The following MERTK variants were observed in gnomAD, a reference collection of about 807,000 sequenced individuals.
MERTK encodes the protein tyrosine-protein kinase Mer.
MERTK carries 69 observed loss-of-function variants against 99.3 expected under a neutral mutation model. The observed-to-expected ratio is 0.70, with a 90% CI of 0.57 to 0.85. MERTK has a LOEUF of 0.85. Ranked by LOEUF, MERTK falls within the 40% of genes least tolerant of loss-of-function variation. MERTK has a pLI of 0.00. For missense variants in MERTK, 1,125 were observed against 1,249.4 expected (o/e 0.90, Z 1.50); for synonymous variants, 426 against 467.6 (o/e 0.91, Z 1.15).
chr2:111,955,769 C>CT lies in MERTK; in HGVS notation c.757+8208dup, dbSNP rs377097947. 6.3e-3 allele frequency among the ~76,000 whole-genome samples: 957 copies of CT among 152,108 alleles called. 11 individuals carry two copies. Among genetic ancestry groups the CT allele is most frequent in the African/African-American group, 0.022 (923 of 41,478 alleles). ...AAAGTTATTTCAAAATAAAAAGTTT[C>CT]TTTTTTAAAGAATTTTATCATGGGC... On this transcript the variant is annotated intron_variant, in intron 4 of 18. Coordinates refer to ENST00000295408, the MANE Select transcript of MERTK (RefSeq NM_006343.3).
chr2:111,910,834 G>A (rs1277665911), intron 1 of MERTK, among the ~76,000 whole-genome samples: 1 of 152,080 alleles, frequency 6.6e-6, no homozygotes, highest in East Asian at 1.9e-4. Context: ...CTAGGGCCTG[G>A]AAAGGATAGG....
intron 11 of MERTK, among the ~76,000 whole-genome samples, chr2:112,002,700 A>G (rs1355803029): frequency 5.3e-5 from 8 of 152,192 alleles, no homozygotes; most frequent in Non-Finnish European, 1.2e-4. Flanking sequence ...GGGGCCGGCT[A>G]TGGTGGTTCA....
At chr2:112,018,908 C>T (rs1041381868) in intron 15 of MERTK, among the ~76,000 whole-genome samples, 1 of 152,090 alleles carries the variant, frequency 6.6e-6, no homozygotes, top group Non-Finnish European at 1.5e-5. Flanking sequence ...TTAGAAGAAA[C>T]GAGTATCTTT....
chr2:111,963,991 T>C (rs945958577), intron 4 of MERTK, among the ~76,000 whole-genome samples: 1 of 150,012 alleles, frequency 6.7e-6, no homozygotes, highest in Non-Finnish European at 1.5e-5. Context: ...ATATAGCACT[T>C]GATCATCTGG....
chr2:111,990,395 TG>T (rs1362629944), intron 8 of MERTK, among the ~76,000 whole-genome samples: 2 of 151,612 alleles, frequency 1.3e-5, no homozygotes, highest in Non-Finnish European at 1.5e-5. Flanking sequence ...CCAAAATGTG[TG>T]ACTGATAAAC....
chr2:111,898,620 T>A lies in MERTK; in HGVS notation c.-116T>A. ...CTTGGCTCCGCCACTCGGCACTCAC[T>A]GCCCGGGCCGCCCGGACAGGGAGCT... On this transcript the variant is annotated 5_prime_UTR_variant, in exon 1 of 19. Coordinates refer to ENST00000295408, the MANE Select transcript of MERTK (RefSeq NM_006343.3). The A allele has an allele frequency of 7.8e-7, 1 of 1,286,286 alleles. No individual in the cohort carries two copies. Among genetic ancestry groups the A allele is most frequent in the Non-Finnish European group, 1.1e-6 (1 of 917,208 alleles). The allele number at this position is 1,286,286 out of a possible 1,614,324, so 79.7% of individuals were successfully genotyped here.
chr2:111,994,095 A>T (rs1676685475), intron 8 of MERTK, among the ~76,000 whole-genome samples, 156 bp from the exon 9 acceptor site: 1 of 152,166 alleles, frequency 6.6e-6, no homozygotes, highest in Non-Finnish European at 1.5e-5. Context: ...TTTTGGTTCC[A>T]TTGGCCATGG....
chr2:112,010,246 C>T, intron 15 of MERTK, 180 bp downstream of exon 15: 2 of 623,122 alleles, frequency 3.2e-6, no homozygotes, highest in Non-Finnish European at 6.0e-6. Flanking sequence ...AGGCCTGCTC[C>T]AGGTATTATT....
At chr2:111,982,712 C>T in intron 7 of MERTK, 130 bp from the exon 8 acceptor site, 2 of 963,642 alleles carry the variant, frequency 2.1e-6, no homozygotes, top group Non-Finnish European at 3.3e-6. Context: ...TGAAAATGTG[C>T]TATAAGTCTT....
intron 1 of MERTK, among the ~76,000 whole-genome samples, chr2:111,923,011 C>CA (rs1454087392): frequency 6.6e-6 from 1 of 152,220 alleles, no homozygotes; most frequent in African/African-American, 2.4e-5. Context: ...GTGTCATAGG[C>CA]ATGCTGACAG....
chr2:111,949,540 C>T (rs1685018942), intron 4 of MERTK, among the ~76,000 whole-genome samples: 1 of 152,154 alleles, frequency 6.6e-6, no homozygotes, highest in South Asian at 2.1e-4. Flanking sequence ...AAAAAATAGA[C>T]TCTACCCTTT....
intron 2 of MERTK, chr2:111,940,462 G>A: frequency 3.6e-6 from 2 of 560,454 alleles, no homozygotes; most frequent in South Asian, 2.8e-5. Context: ...TGCATCTCCT[G>A]TGTCAAAACC....
intron 5 of MERTK, among the ~76,000 whole-genome samples, chr2:111,966,102 C>A (rs1201794380): frequency 6.6e-6 from 1 of 152,096 alleles, no homozygotes; most frequent in East Asian, 1.9e-4. Context: ...GAAATTCAAG[C>A]AAATTTTATG....
At chr2:111,959,682 C>T (rs1186989990) in intron 4 of MERTK, among the ~76,000 whole-genome samples, 1 of 151,904 alleles carries the variant, frequency 6.6e-6, no homozygotes, top group Non-Finnish European at 1.5e-5. Context: ...CCATGTTGCC[C>T]CAGGGTGGGG....
At chr2:111,912,575 G>A (rs1684271025) in intron 1 of MERTK, among the ~76,000 whole-genome samples, 1 of 152,084 alleles carries the variant, frequency 6.6e-6, no homozygotes, top group Non-Finnish European at 1.5e-5. Flanking sequence ...TGCAATTTCA[G>A]CCCCATTATA....
chr2:111,922,537 C>T (rs150285480), intron 1 of MERTK, among the ~76,000 whole-genome samples: 3 of 152,338 alleles, frequency 2.0e-5, no homozygotes, highest in Non-Finnish European at 4.4e-5. Context: ...CCCTTATCCC[C>T]GCAGGGCCCA....
intron 9 of MERTK, chr2:111,996,096 G>A (rs993847935): frequency 6.5e-6 from 1 of 154,404 alleles, no homozygotes; most frequent in African/African-American, 2.4e-5. Flanking sequence ...GATCACTTGA[G>A]GTCAGGAGTC....
rs994104850 is a variant in MERTK, at chr2:111,983,084, A to C, written c.1296+91A>C. ...TTAGAAGCTTTCATTTGGTTTTGAAAAGACCTGGTGTGATTGAGTTAGGCA... is the reference window on the plus strand; with the variant it reads ...TTAGAAGCTTTCATTTGGTTTTGAACAGACCTGGTGTGATTGAGTTAGGCA... On this transcript the variant is annotated intron_variant, in intron 8 of 18. Transcript: ENST00000295408. 5 of 1,505,090 alleles carry C rather than the reference A, an allele frequency of 3.3e-6. No homozygotes were observed. The East Asian group carries it at 9.1e-5, about 27-fold the overall frequency. 93.2% of individuals were successfully genotyped at this position (1,505,090 alleles called of 1,614,324 possible). A position where few individuals can be genotyped will look rare whatever the true frequency, so the allele number is the denominator to read the frequency against.
At chr2:111,989,360 C>CT (rs542733750) in intron 8 of MERTK, among the ~76,000 whole-genome samples, 52,874 of 142,362 alleles carry the variant, frequency 0.37, 10,043 homozygotes, top group African/African-American at 0.47. Context: ...GTTGTGAATT[C>CT]TTTTTTTTTT....
Sources: allele counts gnomAD v4.1 joint callset (sites outside exome capture counted in the v4.1 genomes callset), GRCh38; gene constraint gnomAD v4.1.1; transcripts MANE v1.5; gene names NCBI Gene and HGNC (gene_info 2026-07-23, HGNC 2026-07-21).